The following MYO16 variants were observed in gnomAD, a reference collection of about 807,000 sequenced individuals.
The protein encoded by MYO16 is unconventional myosin-XVI.
Under a neutral mutation model 205.3 loss-of-function variants are expected in MYO16, and 94 were observed. The observed-to-expected ratio is 0.46, with a 90% CI of 0.39 to 0.54. The LOEUF (loss-of-function observed/expected upper bound fraction) is 0.54, where lower values mean the gene tolerates loss of function less well. MYO16 is among the 20% of genes least tolerant of loss of function. The pLI is 0.00. For synonymous variants in MYO16, 988 were observed against 954.0 expected (o/e 1.04, Z -0.66); for missense variants, 2,315 against 2,387.5 (o/e 0.97, Z 0.63).
intron 2 of MYO16, among the ~76,000 whole-genome samples, chr13:108,687,223 C>G (rs566763211): frequency 6.6e-6 from 1 of 152,324 alleles, no homozygotes; most frequent in South Asian, 2.1e-4. Flanking sequence ...AATCTCACTT[C>G]TCTGTAGATT....
Position 108,799,058 on chromosome 13 carries a change from T to A in MYO16, c.741+5418T>A, listed in dbSNP as rs139685405. On this transcript the variant is annotated intron_variant, in intron 6 of 34. Transcript: ENST00000457511. ...GAAAGAATTATTCAGGAGAGGCAAGTATCAAGCAATTTTATTTTTTTCACC... is the reference window on the plus strand; with the variant it reads ...GAAAGAATTATTCAGGAGAGGCAAGAATCAAGCAATTTTATTTTTTTCACC... 2.3e-4 allele frequency among the ~76,000 whole-genome samples: 35 copies of A among 152,358 alleles called. No homozygotes were observed. The East Asian group carries it at 6.8e-3, about 29-fold the overall frequency.
Position 109,055,353 on chromosome 13 carries a change from C to T in MYO16, c.3130-37C>T. The T allele has an allele frequency of 6.5e-7, 1 of 1,536,126 alleles. No individual in the cohort carries two copies. Among genetic ancestry groups the T allele is most frequent in the Non-Finnish European group, 8.9e-7 (1 of 1,118,362 alleles). ...GCTTTATATTTTTAGCTAGTGTCTCCTTTGGAGAATCAGTTGGGTTCTACT... is the reference window on the plus strand; with the variant it reads ...GCTTTATATTTTTAGCTAGTGTCTCTTTTGGAGAATCAGTTGGGTTCTACT... On this transcript the variant is annotated intron_variant, in intron 26 of 34. Transcript: ENST00000457511. This position sits in a 1 kb window ranked among gnomAD's most constrained non-coding sequence, Gnocchi z 5.0.
the MYO16 span, among the ~76,000 whole-genome samples, chr13:108,576,652 G>T: frequency 1.3e-5 from 2 of 152,156 alleles, no homozygotes; most frequent in South Asian, 2.1e-4. Flanking sequence ...GAATATAAAA[G>T]TTATTGTCCT....
chr13:108,920,663 T>G (rs1372718981), intron 16 of MYO16, among the ~76,000 whole-genome samples: 1 of 152,164 alleles, frequency 6.6e-6, no homozygotes, highest in Non-Finnish European at 1.5e-5. Flanking sequence ...TTCACCATGT[T>G]GGCCAGGCTG....
At chr13:108,640,882 A>T (rs1001864548) in intron 1 of MYO16, among the ~76,000 whole-genome samples, 1 of 152,202 alleles carries the variant, frequency 6.6e-6, no homozygotes, top group Non-Finnish European at 1.5e-5. Flanking sequence ...CTAGAATAGA[A>T]CACACAACAT....
At chr13:108,686,154 A>G (rs1425938588) in intron 2 of MYO16, among the ~76,000 whole-genome samples, 1 of 152,136 alleles carries the variant, frequency 6.6e-6, no homozygotes, top group East Asian at 1.9e-4. Flanking sequence ...AGAGTTGGCT[A>G]TGGGAGGATC....
chr13:108,640,304 G>A lies in MYO16; in HGVS notation c.28+10432G>A, dbSNP rs116616364. Among the ~76,000 whole-genome samples, 550 of 152,290 alleles carry A rather than the reference G, an allele frequency of 3.6e-3. 3 individuals carry two copies. Among genetic ancestry groups the A allele is most frequent in the African/African-American group, 0.013 (539 of 41,566 alleles). ...GAAGATCACAGTGCAGGCAGGACCAGCATCCTCTGGAGTAATCGATGAGGA... is the reference window on the plus strand; with the variant it reads ...GAAGATCACAGTGCAGGCAGGACCAACATCCTCTGGAGTAATCGATGAGGA... On this transcript the variant is annotated intron_variant, in intron 1 of 34. Coordinates refer to ENST00000457511, the MANE Select transcript of MYO16 (RefSeq NM_001198950.3).
At chr13:109,039,215 A>G (rs1190634683) in intron 23 of MYO16, among the ~76,000 whole-genome samples, 2 of 152,214 alleles carry the variant, frequency 1.3e-5, no homozygotes, top group African/African-American at 4.8e-5. Flanking sequence ...TCTCTTGCCA[A>G]GTGCTGGAAG....
chr13:108,532,665 T>A, the MYO16 span, among the ~76,000 whole-genome samples: 1 of 151,720 alleles, frequency 6.6e-6, no homozygotes, highest in Non-Finnish European at 1.5e-5. Flanking sequence ...GTGGCACGTG[T>A]CTGTGGTTCC....
rs1880626457 is a variant in MYO16 at position 109,206,987 on chromosome 13, CGTGTGTGTGTGTGTGTGTTTGT to C, written c.*165_*186del. The C allele has an allele frequency of 3.5e-6, 2 of 571,702 alleles. No homozygotes were observed. Among genetic ancestry groups the C allele is most frequent in the African/African-American group, 2.1e-5 (1 of 47,884 alleles). The allele number at this position is 571,702 out of a possible 1,614,324, so 35.4% of individuals were successfully genotyped here. A position where few individuals can be genotyped will look rare whatever the true frequency, so the allele number is the denominator to read the frequency against. ...CACAGACACTAAATATATGAGATCC[CGTGTGTGTGTGTGTGTGTTTGT>C]GTGTGTGTGTGTGGGTTCTTTCTTA... On this transcript the variant is annotated 3_prime_UTR_variant, in exon 35 of 35. Transcript: ENST00000457511.
intron 4 of MYO16, among the ~76,000 whole-genome samples, chr13:108,753,569 C>A (rs981631013): frequency 3.3e-5 from 5 of 152,056 alleles, no homozygotes; most frequent in Non-Finnish European, 7.3e-5. Flanking sequence ...AACATCAAAT[C>A]ATATGCACTC....
intron 16 of MYO16, among the ~76,000 whole-genome samples, chr13:108,949,676 A>G (rs1373371891): frequency 6.6e-6 from 1 of 152,214 alleles, no homozygotes; most frequent in Admixed American, 6.5e-5. Context: ...AGCTTATTCT[A>G]AAATTTGTAT....
chr13:109,206,903 C>A lies in MYO16; in HGVS notation c.*67C>A. On this transcript the variant is annotated 3_prime_UTR_variant, in exon 35 of 35. Transcript: ENST00000457511. The stretch of plus-strand genomic sequence containing the variant: ...GATTCCGGGCTGCAACAACAGAAGG[C>A]TGCCTTCTGACATGCGCTGGGGCTT... 6.9e-7 allele frequency: 1 copy of A among 1,445,598 alleles called. No individual in the cohort carries two copies. The highest frequency in any genetic ancestry group is 9.5e-7 in the Non-Finnish European group (1 of 1,050,600). The allele number at this position is 1,445,598 out of a possible 1,614,324, so 89.5% of individuals were successfully genotyped here.
intron 4 of MYO16, among the ~76,000 whole-genome samples, chr13:108,747,388 G>T (rs1425288558): frequency 6.6e-6 from 1 of 152,082 alleles, no homozygotes; most frequent in African/African-American, 2.4e-5. Flanking sequence ...TATCATAGCG[G>T]GTACAGAGAA....
chr13:108,902,869 G>A (rs151076056), intron 15 of MYO16, among the ~76,000 whole-genome samples: 376 of 152,276 alleles, frequency 2.5e-3, no homozygotes, highest in Middle Eastern at 6.8e-3. Context: ...TTCAACTGTG[G>A]TCCAAAAATT....
intron 7 of MYO16, among the ~76,000 whole-genome samples, chr13:108,812,649 C>G (rs549298153): frequency 6.6e-6 from 1 of 152,074 alleles, no homozygotes; most frequent in Non-Finnish European, 1.5e-5. Flanking sequence ...TGAGCAACAC[C>G]GTATTTAATG....
chr13:108,693,323 A>C (rs558991089), intron 2 of MYO16, among the ~76,000 whole-genome samples: 1 of 152,136 alleles, frequency 6.6e-6, no homozygotes, highest in Non-Finnish European at 1.5e-5. Flanking sequence ...CATCACCACT[A>C]TCTGGCCCCA....
chr13:109,022,079 A>G (rs1886042774), intron 23 of MYO16, among the ~76,000 whole-genome samples: 1 of 147,354 alleles, frequency 6.8e-6, no homozygotes, highest in African/African-American at 2.5e-5. Flanking sequence ...GTATATGTAT[A>G]TGTATGTATA....
chr13:109,009,047 CA>C lies in MYO16; in HGVS notation c.2594del (p.Gln865ArgfsTer16). 1.9e-6 allele frequency: 3 copies of C among 1,584,728 alleles called. No individual in the cohort carries two copies. Among genetic ancestry groups the C allele is most frequent in the Non-Finnish European group, 2.6e-6 (3 of 1,168,602 alleles). ...NQNGVLDFFF[Q>X]KPSGFLTLLD... The stretch of plus-strand genomic sequence containing the variant: ...GAATGGAGTTTTGGACTTTTTTTTC[CA>C]GGTATTCATATAATATAATTAGATA... On this transcript the variant is annotated frameshift_variant and splice_region_variant, in exon 22 of 35. Transcript: ENST00000457511. LOFTEE classifies it high-confidence loss of function.
Sources: gnomAD v4.1 joint callset for allele counts (sites outside exome capture counted in the v4.1 genomes callset) on GRCh38, gnomAD v4.1.1 for gene constraint, Gnocchi (gnomAD v3.1) non-coding constraint, MANE v1.5 for transcripts, NCBI Gene and HGNC (gene_info 2026-07-23, HGNC 2026-07-21) for gene names.